BUD13: variants seen among roughly 807,000 people sequenced by gnomAD.
The protein encoded by BUD13 is BUD13 spliceosome associated protein.
BUD13 carries 47 observed loss-of-function variants against 62.5 expected under a neutral mutation model. That is an observed-to-expected ratio of 0.75 (90% CI 0.60 to 0.96). BUD13 has a LOEUF of 0.96. Among genes scored for constraint, BUD13 ranks in the 40% least tolerant of loss-of-function variants. BUD13 has a pLI of 0.00. For missense variants in BUD13, 821 were observed against 790.9 expected, an observed-to-expected ratio of 1.04 and a Z score of -0.46; for synonymous variants, 293 against 280.1, an observed-to-expected ratio of 1.05 and a Z score of -0.46.
chr11:116,752,639 G>T (rs1354839155), intron 9 of BUD13, among the ~76,000 whole-genome samples: 3 of 152,158 alleles, frequency 2.0e-5, no homozygotes, highest in Non-Finnish European at 4.4e-5. Flanking sequence ...GCAAATGAGT[G>T]TTCTGAAAAA....
intron 1 of BUD13, among the ~76,000 whole-genome samples, chr11:116,771,815 G>A (rs745426023): frequency 3.9e-5 from 6 of 152,204 alleles, no homozygotes; most frequent in Non-Finnish European, 5.9e-5. Flanking sequence ...GTGCCTTAGG[G>A]TTACTGTAAC....
chr11:116,757,818 A>T lies in BUD13; in HGVS notation c.1632T>A (p.Pro544=). Residue 544 remains proline, a synonymous_variant, in exon 8 of 10, where the codon CCT becomes CCA. Transcript: ENST00000260210. ...MLREQEREGD[P]MANFIKKNKA... ...TATTCTTCTTGATGAAGTTGGCCATAGGGTCCCCCTCTCTTTCCTGTTCTC... is the reference window on the plus strand; with the variant it reads ...TATTCTTCTTGATGAAGTTGGCCATTGGGTCCCCCTCTCTTTCCTGTTCTC... 1.3e-5 allele frequency: 21 copies of T among 1,614,036 alleles called. No individual in the cohort carries two copies. Among genetic ancestry groups the T allele is most frequent in the Non-Finnish European group, 1.7e-5 (20 of 1,179,996 alleles).
chr11:116,770,251 G>C (rs372586595), intron 1 of BUD13, 29 bp from the exon 2 acceptor site: 1 of 1,561,696 alleles, frequency 6.4e-7, no homozygotes, highest in Non-Finnish European at 8.7e-7. Context: ...ATCAAAAAGA[G>C]TCATTCTAGG....
In BUD13 at chr11:116,758,353, T is replaced by C. The variant is rs747766083; in HGVS notation, c.1415A>G (p.Asn472Ser). Residue 472 changes from asparagine to serine, a missense_variant, in exon 7 of 10, where the codon AAT (asparagine) becomes AGT (serine). Asn to Ser is a conservative substitution (Grantham distance 46, BLOSUM62 1). Around this residue, in one of 2 missense-constraint regions of BUD13, gnomAD observed 800 missense variants for 739.2 expected, o/e 1.08. Transcript: ENST00000260210. The part of the protein sequence containing the change: ...VFRDKSGRKR[N>S]LKLERLEQRR... ...TTGCTCTAAACGTTCGAGTTTCAAA[T>C]TCCTCTTACGACCAGACTTATCTCG... 48 of 1,614,054 alleles carry C rather than the reference T, an allele frequency of 3.0e-5. No individual in the cohort carries two copies. Among genetic ancestry groups the C allele is most frequent in the Non-Finnish European group, 5.1e-6 (6 of 1,180,034 alleles).
chr11:116,760,761 G>A lies in BUD13; in HGVS notation c.1228C>T (p.Arg410Ter), dbSNP rs1357090062. The A allele has an allele frequency of 6.8e-6, 11 of 1,614,008 alleles. No individual in the cohort carries two copies. Among genetic ancestry groups the A allele is most frequent in the East Asian group, 2.2e-5 (1 of 44,896 alleles). The change falls in exon 5 of 10, where the codon CGA (arginine) becomes TGA (stop). Residue 410 changes from arginine (R) to a stop codon, truncating the protein, a stop_gained. Coordinates refer to ENST00000260210, the MANE Select transcript of BUD13 (RefSeq NM_032725.4). LOFTEE classifies it high-confidence loss of function. The stretch of plus-strand genomic sequence containing the variant: ...TTCTTTCCAGGAGGCTGACTCCTTC[G>A]AGGCGGGGACAGGTCAGAATCAGAA... ...KSSDSDLSPP[R>*]RSQPPGKKAA...
chr11:116,768,035 G>A (rs57643109), intron 2 of BUD13, among the ~76,000 whole-genome samples: 7,327 of 151,166 alleles, frequency 0.048, 255 homozygotes, highest in Admixed American at 0.1. Context: ...TAATATTGAC[G>A]ACGTAGGCAA....
At chr11:116,756,084 T>C (rs1352326121) in intron 9 of BUD13, among the ~76,000 whole-genome samples, 2 of 152,086 alleles carry the variant, frequency 1.3e-5, no homozygotes, top group African/African-American at 2.4e-5. Context: ...GACACATGCC[T>C]GTAATCCCAG....
rs539791380 is a variant in BUD13, at chr11:116,765,426, C to T, written c.258G>A (p.Glu86=). 1 of 1,614,156 alleles carries T rather than the reference C, an allele frequency of 6.2e-7. No homozygotes were observed. Among genetic ancestry groups the T allele is most frequent in the Non-Finnish European group, 8.5e-7 (1 of 1,180,012 alleles). Residue 86 remains glutamate (E), a synonymous_variant, in exon 3 of 10, where the codon GAG becomes GAA. Transcript: ENST00000260210. ...DLPVVAEFVD[E]RPEEVKQMEA... ...CCATCTGCTTTACCTCTTCTGGCCG[C>T]TCATCCACAAACTCTGCCACCTGTG... is the stretch of plus-strand genomic sequence containing the variant.
At chr11:116,763,395 C>A (rs750215876) in intron 3 of BUD13, 129 bp from the exon 4 acceptor site, 5 of 772,040 alleles carry the variant, frequency 6.5e-6, no homozygotes, top group Non-Finnish European at 9.7e-6. Flanking sequence ...AAAAGGCCTG[C>A]ACAGTTTTCT....
chr11:116,761,019 C>CCAGCCATAGGAGAT, intron 4 of BUD13, 67 bp from the exon 5 acceptor site: 3 of 1,318,560 alleles, frequency 2.3e-6, no homozygotes, highest in Non-Finnish European at 3.2e-6. Flanking sequence ...ATGAAATCTC[C>CCAGCCATAGGAGAT]TATGGCTGGG....
rs377072678 is a variant in BUD13 at position 116,768,556 on chromosome 11, G to A, written c.237+1573C>T. Reference sequence around the variant, plus strand: ...ACTTTTTTTAATTCCCAAATATTCTGTAATAAATATGCATTGCTTTTATAA... The same window carrying A: ...ACTTTTTTTAATTCCCAAATATTCTATAATAAATATGCATTGCTTTTATAA... On this transcript the variant is annotated intron_variant, in intron 2 of 9. Transcript: ENST00000260210. Among the ~76,000 whole-genome samples, 77 of 151,780 alleles carry A rather than the reference G, an allele frequency of 5.1e-4. 2 individuals carry two copies. The highest frequency in any genetic ancestry group is 1.3e-4 in the Non-Finnish European group (9 of 67,982).
At position 116,772,899 on chromosome 11, in the gene BUD13, G is replaced by A. The variant is rs1226923234; in HGVS notation, c.66C>T (p.Ala22=). Residue 22 remains alanine, a synonymous_variant, in exon 1 of 10, where the codon GCC becomes GCT. Transcript: ENST00000260210. ...YLKRYLSGAD[A]GVDRGSESGR... ...CGGACTCAGATCCCCGGTCGACGCCGGCATCTGCCCCGGACAAGTAACGCT... is the reference window on the plus strand; with the variant it reads ...CGGACTCAGATCCCCGGTCGACGCCAGCATCTGCCCCGGACAAGTAACGCT... 1 of 1,589,704 alleles carries A rather than the reference G, an allele frequency of 6.3e-7. No homozygotes were observed. The highest frequency in any genetic ancestry group is 1.7e-5 in the Admixed American group (1 of 58,328).
At chr11:116,763,564 CCACA>C in intron 3 of BUD13, among the ~76,000 whole-genome samples, 2 of 152,056 alleles carry the variant, frequency 1.3e-5, no homozygotes, top group South Asian at 4.1e-4. Context: ...AAAACAGAGG[CCACA>C]GCCTCTGTTT....
chr11:116,750,480 G>A (rs1014951240), intron 9 of BUD13, among the ~76,000 whole-genome samples: 2 of 152,030 alleles, frequency 1.3e-5, no homozygotes, highest in South Asian at 2.1e-4. Flanking sequence ...GCCCTTTCAG[G>A]TCATCACTGA....
At chr11:116,759,201 A>G in intron 5 of BUD13, 22 bp from the exon 6 acceptor site, 1 of 1,560,360 alleles carries the variant, frequency 6.4e-7, no homozygotes, top group Non-Finnish European at 8.8e-7. Flanking sequence ...AAAAGGGAGC[A>G]TCCAACATTA....
intron 7 of BUD13, 88 bp from the exon 8 acceptor site, chr11:116,758,038 A>C (rs1436936843): frequency 4.6e-6 from 7 of 1,532,036 alleles, no homozygotes; most frequent in Non-Finnish European, 4.4e-6. Context: ...AGTTTGGACA[A>C]TCTCCTCTTT....
Position 116,758,364 on chromosome 11 carries a change from A to T in BUD13, c.1404T>A (p.Gly468=). 6.2e-7 allele frequency: 1 copy of T among 1,614,074 alleles called. No homozygotes were observed. The highest frequency in any genetic ancestry group is 1.3e-5 in the African/African-American group (1 of 74,994). The stretch of plus-strand genomic sequence containing the variant: ...GTTCGAGTTTCAAATTCCTCTTACG[A>T]CCAGACTTATCTCGAAATACGGTTT... The part of the protein sequence containing the change: ...YAETVFRDKS[G]RKRNLKLERL... The change falls in exon 7 of 10, where the codon GGT becomes GGA. Residue 468 remains glycine, a synonymous_variant. Coordinates refer to ENST00000260210, the MANE Select transcript of BUD13 (RefSeq NM_032725.4).
At chr11:116,750,930 C>T (rs1304934040) in intron 9 of BUD13, among the ~76,000 whole-genome samples, 2 of 152,150 alleles carry the variant, frequency 1.3e-5, no homozygotes, top group Non-Finnish European at 2.9e-5. Context: ...CCTGGTAACA[C>T]CATGGTGTCT....
At position 116,759,076 on chromosome 11, in the gene BUD13, T is replaced by C. The variant is rs1201855098; in HGVS notation, c.1358A>G (p.Glu453Gly). Residue 453 changes from glutamate to glycine, a missense_variant and splice_region_variant, in exon 6 of 10, where the codon GAA becomes GGA. Transcript: ENST00000260210. ...KEQDQETMAFEAEFQYAETVF... is the reference protein window; with the variant it reads ...KEQDQETMAFGAEFQYAETVF... Reference sequence around the variant, plus strand: ...TCTCTGCACTTTCATATTTTTACCTTCAAATGCCATGGTTTCTTGATCCTG... The same window carrying C: ...TCTCTGCACTTTCATATTTTTACCTCCAAATGCCATGGTTTCTTGATCCTG... 1.2e-6 allele frequency: 2 copies of C among 1,613,324 alleles called. No individual in the cohort carries two copies.
Sources: gnomAD v4.1 joint callset for allele counts (sites outside exome capture counted in the v4.1 genomes callset) on GRCh38, gnomAD v4.1.1 for gene constraint, gnomAD v4.1.1 regional missense constraint, MANE v1.5 for transcripts, NCBI Gene and HGNC (gene_info 2026-07-23, HGNC 2026-07-21) for gene names.